Variants in RAB3GAP1 observed in about 807,000 individuals in gnomAD.
RAB3GAP1 encodes the protein RAB3 GTPase activating protein catalytic subunit 1, also known as rab3 GTPase-activating protein catalytic subunit.
Under a neutral mutation model 130.7 loss-of-function variants are expected in RAB3GAP1, and 86 were observed. The ratio of observed to expected loss-of-function variants is 0.66; its 90% CI spans 0.55 to 0.79. The LOEUF is 0.79. Ranked by LOEUF, RAB3GAP1 falls within the 30% of genes least tolerant of loss-of-function variation. RAB3GAP1 has a pLI of 0.00. For missense variants in RAB3GAP1, 1,029 were observed against 1,169.4 expected (o/e 0.88, Z 1.75); for synonymous variants, 367 against 401.7 (o/e 0.91, Z 1.03).
chr2:135,108,227 A>G (rs868260781), intron 5 of RAB3GAP1, among the ~76,000 whole-genome samples: 2 of 152,138 alleles, frequency 1.3e-5, no homozygotes, highest in South Asian at 4.1e-4. Flanking sequence ...TTTAGTATAC[A>G]TATGCAATCT....
chr2:135,056,575 A>G (rs1202752271), intron 2 of RAB3GAP1, among the ~76,000 whole-genome samples: 2 of 152,244 alleles, frequency 1.3e-5, no homozygotes, highest in Middle Eastern at 3.2e-3. Flanking sequence ...TTAATTTACA[A>G]GTATTTCCTG....
At chr2:135,128,255 A>G (rs1239201979) in intron 11 of RAB3GAP1, among the ~76,000 whole-genome samples, 1 of 152,202 alleles carries the variant, frequency 6.6e-6, no homozygotes, top group Non-Finnish European at 1.5e-5. Flanking sequence ...GTCAATGTCA[A>G]GAGTATTACA....
At position 135,115,237 on chromosome 2, in the gene RAB3GAP1, A is replaced by G; in HGVS notation, c.504A>G (p.Gln168=). Reference sequence around the variant, plus strand: ...GCAGTCAGGTGCCACTCTTTGTGCAAATTCACCACAAATGGCGAAGAATGT... The same window carrying G: ...GCAGTCAGGTGCCACTCTTTGTGCAGATTCACCACAAATGGCGAAGAATGT... ...NTGCQVPLFV[Q]IHHKWRRMYV... The change falls in exon 7 of 24, where the codon CAA becomes CAG. Residue 168 remains glutamine, a synonymous_variant. Coordinates refer to ENST00000264158, the MANE Select transcript of RAB3GAP1 (RefSeq NM_012233.3). The G allele has an allele frequency of 1.2e-6, 2 of 1,611,866 alleles. No individual in the cohort carries two copies. Among genetic ancestry groups the G allele is most frequent in the Non-Finnish European group, 1.7e-6 (2 of 1,177,996 alleles).
intron 3 of RAB3GAP1, among the ~76,000 whole-genome samples, chr2:135,076,650 A>G (rs904387983): frequency 6.6e-6 from 1 of 152,106 alleles, no homozygotes; most frequent in Non-Finnish European, 1.5e-5. Context: ...GTTTATATAT[A>G]TTTTTACTGT....
intron 17 of RAB3GAP1, chr2:135,137,087 C>T: frequency 3.8e-6 from 1 of 264,436 alleles, no homozygotes; most frequent in Non-Finnish European, 7.5e-6. Context: ...CAGACCCTGT[C>T]TCTTAATTAA....
chr2:135,154,310 A>G (rs890226130), intron 19 of RAB3GAP1, among the ~76,000 whole-genome samples: 4 of 152,214 alleles, frequency 2.6e-5, no homozygotes, highest in African/African-American at 9.7e-5. Context: ...TGGTATATCC[A>G]TTAGTGGCCA....
Position 135,107,924 on chromosome 2 carries a change from G to A in RAB3GAP1, c.363-5227G>A, listed in dbSNP as rs187412747. ...TGGGAGATGGAGGTTGCAGTGAGCC[G>A]ACATTGTGCCATTGCACTCCAGCCT... On this transcript the variant is annotated intron_variant, in intron 5 of 23. Coordinates refer to ENST00000264158, the MANE Select transcript of RAB3GAP1 (RefSeq NM_012233.3). 5.8e-3 allele frequency among the ~76,000 whole-genome samples: 767 copies of A among 131,634 alleles called. 4 individuals carry two copies. Among genetic ancestry groups the A allele is most frequent in the Non-Finnish European group, 8.3e-3 (537 of 65,066 alleles). 86.4% of individuals were successfully genotyped at this position (131,634 alleles called of 152,430 possible).
intron 3 of RAB3GAP1, among the ~76,000 whole-genome samples, chr2:135,069,925 A>T (rs1689421806): frequency 6.6e-6 from 1 of 152,192 alleles, no homozygotes; most frequent in Non-Finnish European, 1.5e-5. Context: ...AGCTTCTTTA[A>T]ATTATCCATC....
At chr2:135,135,374 C>G in intron 16 of RAB3GAP1, 55 bp downstream of exon 16, 4 of 1,517,492 alleles carry the variant, frequency 2.6e-6, no homozygotes, top group East Asian at 2.3e-5. Flanking sequence ...TCAGATTATT[C>G]TAATACTAAA....
At chr2:135,131,001 A>C (rs541719810) in intron 13 of RAB3GAP1, among the ~76,000 whole-genome samples, 23 of 152,178 alleles carry the variant, frequency 1.5e-4, no homozygotes, top group Non-Finnish European at 2.6e-4. Flanking sequence ...CTTCATGAAG[A>C]GGGACATTTG....
At chr2:135,160,665 A>G (rs1002589378) in intron 19 of RAB3GAP1, among the ~76,000 whole-genome samples, 6 of 123,164 alleles carry the variant, frequency 4.9e-5, no homozygotes, top group African/African-American at 1.9e-4. Context: ...ACAGAGAAAG[A>G]CCCTGTCTCA....
At chr2:135,128,495 G>C (rs1376592122) in intron 11 of RAB3GAP1, among the ~76,000 whole-genome samples, 1 of 152,076 alleles carries the variant, frequency 6.6e-6, no homozygotes, top group East Asian at 1.9e-4. Flanking sequence ...TTGTTTAATC[G>C]TTGAATTACT....
intron 5 of RAB3GAP1, among the ~76,000 whole-genome samples, chr2:135,102,086 A>G (rs1322382504): frequency 6.6e-6 from 1 of 152,260 alleles, no homozygotes; most frequent in Non-Finnish European, 1.5e-5. Flanking sequence ...GAGCATTAAC[A>G]TTAACATTGC....
At position 135,052,419 on chromosome 2, in the gene RAB3GAP1, C is replaced by G; in HGVS notation, c.19-11C>G. 6.2e-7 allele frequency: 1 copy of G among 1,614,158 alleles called. No individual in the cohort carries two copies. Among genetic ancestry groups the G allele is most frequent in the African/African-American group, 1.3e-5 (1 of 75,038 alleles). On this transcript the variant is annotated splice_polypyrimidine_tract_variant and intron_variant, in intron 1 of 23. Coordinates refer to ENST00000264158, the MANE Select transcript of RAB3GAP1 (RefSeq NM_012233.3). ...GCTTAATTTCTTTTTCTCTCCTTCC[C>G]CTTCCCGCAGCCCGAATCCGAGGTA...
chr2:135,116,228 CTTAAATA>C (rs760983088), intron 7 of RAB3GAP1, among the ~76,000 whole-genome samples: 4 of 151,864 alleles, frequency 2.6e-5, no homozygotes, highest in Non-Finnish European at 5.9e-5. Flanking sequence ...AGCTTTAGCA[CTTAAATA>C]TTAAGTATAT....
chr2:135,117,678 GCTTCTGCTTCTTCTTCTGCTT>G (rs1691053869), intron 7 of RAB3GAP1, among the ~76,000 whole-genome samples: 1 of 98,480 alleles, frequency 1.0e-5, no homozygotes, highest in Non-Finnish European at 2.2e-5. Context: ...TGCTTCTTCT[GCTTCTGCTTCTTCTTCTGCTT>G]CTTCTGCTTC....
intron 17 of RAB3GAP1, among the ~76,000 whole-genome samples, chr2:135,147,425 C>G (rs1692031518): frequency 6.6e-6 from 1 of 151,774 alleles, no homozygotes; most frequent in South Asian, 2.1e-4. Context: ...TTTTAAAACC[C>G]TATTTCCTTA....
intron 4 of RAB3GAP1, among the ~76,000 whole-genome samples, chr2:135,093,236 GGCTT>G (rs1690195227): frequency 6.6e-6 from 1 of 152,138 alleles, no homozygotes; most frequent in Admixed American, 6.5e-5. Context: ...GGCCTAAAAA[GGCTT>G]GCTATGGGAG....
chr2:135,147,676 A>G (rs1303301987), intron 17 of RAB3GAP1, among the ~76,000 whole-genome samples: 1 of 139,170 alleles, frequency 7.2e-6, no homozygotes, highest in African/African-American at 2.7e-5. Flanking sequence ...AAGTGCACTC[A>G]ATCATAGCTC....
Sources: allele counts gnomAD v4.1 joint callset (sites outside exome capture counted in the v4.1 genomes callset), GRCh38; gene constraint gnomAD v4.1.1; transcripts MANE v1.5; gene names NCBI Gene and HGNC (gene_info 2026-07-23, HGNC 2026-07-21).